MACROD2: variants seen among roughly 807,000 people sequenced by gnomAD.
The protein encoded by MACROD2 is mono-ADP ribosylhydrolase 2, also known as ADP-ribose glycohydrolase MACROD2.
MACROD2 carries 36 observed loss-of-function variants against 70.4 expected under a neutral mutation model. The observed-to-expected ratio is 0.51, with a 90% CI of 0.39 to 0.68. MACROD2 has a LOEUF of 0.68. Among genes scored for constraint, MACROD2 ranks in the 30% least tolerant of loss-of-function variants. The pLI, the probability that MACROD2 is intolerant of heterozygous loss-of-function variation, is 0.00. For missense variants in MACROD2, 496 were observed against 538.4 expected, an observed-to-expected ratio of 0.92 and a Z score of 0.78; for synonymous variants, 172 against 178.8, an observed-to-expected ratio of 0.96 and a Z score of 0.30.
At chr20:14,578,644 T>C (rs1980779043) in intron 4 of MACROD2, among the ~76,000 whole-genome samples, 1 of 152,164 alleles carries the variant, frequency 6.6e-6, no homozygotes, top group Non-Finnish European at 1.5e-5. Flanking sequence ...GTTTTTAGTG[T>C]TTTGTCAGCC....
intron 3 of MACROD2, among the ~76,000 whole-genome samples, chr20:14,399,202 A>G (rs1328306649): frequency 1.3e-5 from 2 of 151,916 alleles, no homozygotes; most frequent in Non-Finnish European, 2.9e-5. Flanking sequence ...CTTTTGTATG[A>G]TAGAGACAGG....
intron 8 of MACROD2, among the ~76,000 whole-genome samples, chr20:15,719,513 G>A (rs571114061): frequency 6.6e-6 from 1 of 152,210 alleles, no homozygotes; most frequent in Admixed American, 6.5e-5. Context: ...AGCTTGTTTT[G>A]AATCTCAGAA....
chr20:15,878,009 C>G (rs946942381), intron 9 of MACROD2, among the ~76,000 whole-genome samples: 1 of 151,808 alleles, frequency 6.6e-6, no homozygotes, highest in Non-Finnish European at 1.5e-5. Context: ...ATAAGGGTAA[C>G]ATTCCCCTTC....
At chr20:14,604,010 T>C (rs1046436807) in intron 4 of MACROD2, among the ~76,000 whole-genome samples, 1 of 152,176 alleles carries the variant, frequency 6.6e-6, no homozygotes, top group South Asian at 2.1e-4. Flanking sequence ...TCATTCACCT[T>C]CATTGGCCAC....
At chr20:13,997,641 T>C (rs1249799147) in intron 1 of MACROD2, among the ~76,000 whole-genome samples, 1 of 152,200 alleles carries the variant, frequency 6.6e-6, no homozygotes, top group East Asian at 1.9e-4. Flanking sequence ...ATTTCTTTTC[T>C]TCTAATAATG....
chr20:15,477,099 G>GAT (rs1555826355), intron 7 of MACROD2, among the ~76,000 whole-genome samples: 1 of 115,394 alleles, frequency 8.7e-6, no homozygotes, highest in African/African-American at 3.4e-5. Flanking sequence ...TCTATTTTTA[G>GAT]TTTTTTTTTT....
intron 5 of MACROD2, among the ~76,000 whole-genome samples, chr20:15,158,344 C>T (rs972347960): frequency 5.3e-5 from 8 of 152,102 alleles, no homozygotes; most frequent in African/African-American, 1.2e-4. Context: ...AATCAGCATT[C>T]GCAGTTTAGA....
At chr20:14,294,448 G>A (rs1289009502) in intron 3 of MACROD2, among the ~76,000 whole-genome samples, 1 of 151,480 alleles carries the variant, frequency 6.6e-6, no homozygotes, top group East Asian at 1.9e-4. Flanking sequence ...AGTTTGAATG[G>A]TACTGTTGTT....
intron 8 of MACROD2, among the ~76,000 whole-genome samples, chr20:15,591,173 C>T (rs1202489016): frequency 6.6e-6 from 1 of 152,128 alleles, no homozygotes; most frequent in Non-Finnish European, 1.5e-5. Context: ...GGTATTCTAT[C>T]CCTGGGCCTC....
chr20:15,963,941 G>GA (rs1437491948), intron 12 of MACROD2, among the ~76,000 whole-genome samples: 1 of 151,960 alleles, frequency 6.6e-6, no homozygotes, highest in Non-Finnish European at 1.5e-5. Context: ...ATTTGCATTT[G>GA]AAAAAATTCT....
At chr20:14,961,290 A>G (rs1056501821) in intron 5 of MACROD2, among the ~76,000 whole-genome samples, 1 of 152,164 alleles carries the variant, frequency 6.6e-6, no homozygotes, top group African/African-American at 2.4e-5. Context: ...AAAATCATGT[A>G]GTCCAAAAAT....
intron 8 of MACROD2, among the ~76,000 whole-genome samples, chr20:15,646,901 A>G (rs1301034559): frequency 2.6e-5 from 4 of 152,204 alleles, no homozygotes; most frequent in African/African-American, 9.7e-5. Context: ...TCTTTACAGT[A>G]GCGTGAAAAC....
chr20:15,580,317 T>C (rs534931391), intron 8 of MACROD2, among the ~76,000 whole-genome samples: 1 of 152,296 alleles, frequency 6.6e-6, no homozygotes, highest in African/African-American at 2.4e-5. Flanking sequence ...TTCCCTGGTG[T>C]CCGGGATCCT....
chr20:14,265,161 T>C (rs1027829250), intron 3 of MACROD2, among the ~76,000 whole-genome samples: 3 of 152,190 alleles, frequency 2.0e-5, no homozygotes, highest in East Asian at 1.9e-4. Flanking sequence ...TTTTAGAAGT[T>C]TGAATGTTTA....
intron 6 of MACROD2, among the ~76,000 whole-genome samples, chr20:15,303,152 T>G (rs1231890715): frequency 2.6e-5 from 4 of 152,222 alleles, no homozygotes; most frequent in African/African-American, 9.6e-5. Context: ...TTCTGCAAAC[T>G]AATTTTTCTC....
chr20:14,764,234 G>C (rs1293168023), intron 5 of MACROD2, among the ~76,000 whole-genome samples: 2 of 152,078 alleles, frequency 1.3e-5, no homozygotes, highest in Non-Finnish European at 2.9e-5. Context: ...TATTCCTCCA[G>C]GACTATGGTC....
intron 4 of MACROD2, among the ~76,000 whole-genome samples, chr20:14,517,880 G>T (rs560558065): frequency 1.5e-4 from 23 of 150,660 alleles, no homozygotes; most frequent in African/African-American, 5.1e-4. Context: ...CCAATATTTT[G>T]TCTATTCCAG....
chr20:15,609,896 A>C (rs768128218), intron 8 of MACROD2, among the ~76,000 whole-genome samples: 2 of 152,164 alleles, frequency 1.3e-5, no homozygotes, highest in Non-Finnish European at 2.9e-5. Context: ...TACTCAACTC[A>C]CAGGCAGGAA....
intron 8 of MACROD2, among the ~76,000 whole-genome samples, chr20:15,794,841 C>A (rs904486268): frequency 6.6e-6 from 1 of 152,134 alleles, no homozygotes; most frequent in Non-Finnish European, 1.5e-5. Flanking sequence ...TTCTCTCAAA[C>A]CATATGCCAC....
Sources: gnomAD v4.1 joint callset for allele counts (sites outside exome capture counted in the v4.1 genomes callset) on GRCh38, gnomAD v4.1.1 for gene constraint, MANE v1.5 for transcripts, NCBI Gene and HGNC (gene_info 2026-07-23, HGNC 2026-07-21) for gene names.